The following CNTN1 variants were observed in gnomAD, a reference collection of about 807,000 sequenced individuals.
CNTN1 encodes contactin-1.
In CNTN1, 38 loss-of-function variants were observed where a neutral mutation model predicts 126.4. The observed-to-expected ratio is 0.30, with a 90% confidence interval of 0.23 to 0.39. CNTN1 has a LOEUF of 0.39. Among genes scored for constraint, CNTN1 ranks in the 10% least tolerant of loss-of-function variants. The pLI is 1.00. For synonymous variants in CNTN1, 413 were observed against 422.6 expected, an observed-to-expected ratio of 0.98 and a Z score of 0.28; for missense variants, 1,009 against 1,248.4, an observed-to-expected ratio of 0.81 and a Z score of 2.89.
At chr12:40,816,124 G>C (rs948334199) in intron 1 of CNTN1, among the ~76,000 whole-genome samples, 2 of 151,994 alleles carry the variant, frequency 1.3e-5, no homozygotes, top group Non-Finnish European at 2.9e-5. Flanking sequence ...TTTTTGTTGT[G>C]TCTCTTCCTG....
chr12:40,901,682 A>G (rs1452404457), intron 1 of CNTN1, among the ~76,000 whole-genome samples: 1 of 152,222 alleles, frequency 6.6e-6, no homozygotes, highest in Non-Finnish European at 1.5e-5. Flanking sequence ...CTGAAGACCA[A>G]TGCAGCTCTA....
intron 23 of CNTN1, among the ~76,000 whole-genome samples, chr12:41,063,609 T>C (rs1315757260): frequency 1.3e-5 from 2 of 152,198 alleles, no homozygotes; most frequent in African/African-American, 2.4e-5. Flanking sequence ...GAATGAAAGC[T>C]ACCATCTTCT....
chr12:40,720,114 G>C lies in CNTN1; in HGVS notation c.-77+27522G>C, dbSNP rs765732599. ...GCTCTGCCTGCCTTGGCCTCCCAAA[G>C]TGCTGGGATTACAGGCATGAGCCAC... On this transcript the variant is annotated intron_variant, in intron 1 of 23. Transcript: ENST00000551295. Among the ~76,000 whole-genome samples the C allele has an allele frequency of 2.9e-4, 28 of 97,738 alleles. No individual in the cohort carries two copies. The Middle Eastern group carries it at 0.029, about 101-fold the overall frequency. The allele number at this position is 97,738 out of a possible 152,430, so 64.1% of individuals were successfully genotyped here. A position where few individuals can be genotyped will look rare whatever the true frequency, so the allele number is the denominator to read the frequency against.
At chr12:41,066,858 A>G (rs1216717381) in intron 23 of CNTN1, among the ~76,000 whole-genome samples, 2 of 152,176 alleles carry the variant, frequency 1.3e-5, no homozygotes, top group South Asian at 2.1e-4. Flanking sequence ...AAAATCAAGA[A>G]TTCCCATGGA....
rs1375021298 is a variant in CNTN1 at position 41,071,869 on chromosome 12, G to T, written c.*1834G>T. ...TGTTACACTTTGGGGTTTTACTTTT[G>T]CAATGTGACCCATGTTGGGCATTTT... On this transcript the variant is annotated 3_prime_UTR_variant, in exon 24 of 24. Transcript: ENST00000551295. The T allele has an allele frequency of 6.6e-6, 1 of 152,118 alleles. No homozygotes were observed. Among genetic ancestry groups the T allele is most frequent in the Non-Finnish European group, 1.5e-5 (1 of 68,008 alleles). The allele number at this position is 152,118 out of a possible 1,614,324, so 9.4% of individuals were successfully genotyped here.
intron 1 of CNTN1, among the ~76,000 whole-genome samples, chr12:40,865,340 T>A (rs554868487): frequency 6.6e-6 from 1 of 152,242 alleles, no homozygotes; most frequent in Non-Finnish European, 1.5e-5. Context: ...GCCCAAAAGT[T>A]TTCAACCTTA....
intron 17 of CNTN1, among the ~76,000 whole-genome samples, chr12:41,003,458 A>G (rs902960044): frequency 2.6e-5 from 4 of 152,052 alleles, no homozygotes; most frequent in African/African-American, 7.2e-5. Context: ...TGCTAGTCTC[A>G]TAGAATGAGT....
chr12:41,067,304 A>G (rs181258546), intron 23 of CNTN1, among the ~76,000 whole-genome samples: 213 of 152,300 alleles, frequency 1.4e-3, no homozygotes, highest in Middle Eastern at 0.01. Context: ...TCATACTAGT[A>G]CCAAAACATC....
intron 1 of CNTN1, among the ~76,000 whole-genome samples, chr12:40,738,161 T>G (rs1937775725): frequency 6.6e-6 from 1 of 152,046 alleles, no homozygotes; most frequent in African/African-American, 2.4e-5. Context: ...ATACCAAATT[T>G]AGCATAATTT....
At position 41,070,134 on chromosome 12, in the gene CNTN1, G is replaced by A. The variant is rs921193446; in HGVS notation, c.*99G>A. ...TCCAATTTCTGCGGCTCCATCCTAA[G>A]CCAAATAAATTATACTTTAACAAAC... On this transcript the variant is annotated 3_prime_UTR_variant, in exon 24 of 24. Coordinates refer to ENST00000551295, the MANE Select transcript of CNTN1 (RefSeq NM_001843.4). 9 of 1,049,970 alleles carry A rather than the reference G, an allele frequency of 8.6e-6. No homozygotes were observed. In the Admixed American group the frequency reaches 1.6e-4, roughly 19 times the overall value. The allele number at this position is 1,049,970 out of a possible 1,614,324, so 65.0% of individuals were successfully genotyped here.
intron 1 of CNTN1, among the ~76,000 whole-genome samples, chr12:40,770,463 C>T (rs1030721157): frequency 9.9e-5 from 15 of 152,054 alleles, no homozygotes; most frequent in African/African-American, 2.9e-4. Flanking sequence ...GGAATCAGAA[C>T]ATTTCTATGG....
rs542954603 is a variant in CNTN1, at chr12:40,899,584, G to A, written c.-76-8773G>A. On this transcript the variant is annotated intron_variant, in intron 1 of 23. Coordinates refer to ENST00000551295, the MANE Select transcript of CNTN1 (RefSeq NM_001843.4). ...ATTTTTAGAGATGTGTTGGCTGAAC[G>A]TGTGGCCCTGGAACACATTTGCATG... Among the ~76,000 whole-genome samples, 10 of 152,250 alleles carry A rather than the reference G, an allele frequency of 6.6e-5. No homozygotes were observed. In the East Asian group the frequency reaches 1.4e-3, roughly 21 times the overall value.
chr12:40,984,035 G>A (rs1254553767), intron 16 of CNTN1, among the ~76,000 whole-genome samples: 1 of 148,264 alleles, frequency 6.7e-6, no homozygotes, highest in African/African-American at 2.5e-5. Context: ...ACACACAGAG[G>A]ATTAAATATA....
At chr12:40,881,435 A>G (rs1943866128) in intron 1 of CNTN1, among the ~76,000 whole-genome samples, 11 of 151,864 alleles carry the variant, frequency 7.2e-5, no homozygotes, top group Admixed American at 7.2e-4. Context: ...TCATAGTTAC[A>G]CATATTAGGG....
rs998004335 is a variant in CNTN1 at position 41,070,866 on chromosome 12, A to C, written c.*831A>C. ...TATTGCTATATTTGTTCATATGTGG[A>C]GTGACAAATTTTGAAAAGTAGAGTG... On this transcript the variant is annotated 3_prime_UTR_variant, in exon 24 of 24. Transcript: ENST00000551295. 3.9e-5 allele frequency: 6 copies of C among 151,994 alleles called. No homozygotes were observed. The highest frequency in any genetic ancestry group is 8.8e-5 in the Non-Finnish European group (6 of 67,990). The allele number at this position is 151,994 out of a possible 1,614,324, so 9.4% of individuals were successfully genotyped here. A position where few individuals can be genotyped will look rare whatever the true frequency, so the allele number is the denominator to read the frequency against.
Position 40,985,318 on chromosome 12 carries a change from G to A in CNTN1, c.1963+4251G>A, listed in dbSNP as rs533946876. On this transcript the variant is annotated intron_variant, in intron 16 of 23. Coordinates refer to ENST00000551295, the MANE Select transcript of CNTN1 (RefSeq NM_001843.4). ...TTACCAGTATATTTATTATATCTGG[G>A]TTCCTCATTCCTTTCTGTAAAACTC... Among the ~76,000 whole-genome samples the A allele has an allele frequency of 1.1e-4, 16 of 151,904 alleles. 1 individual carries two copies. In the South Asian group the frequency reaches 2.9e-3, roughly 28 times the overall value.
chr12:40,983,468 CGT>C (rs141568233), intron 16 of CNTN1, among the ~76,000 whole-genome samples: 349 of 145,418 alleles, frequency 2.4e-3, no homozygotes, highest in South Asian at 7.4e-3. Context: ...TGATATTCAC[CGT>C]GTGTGTGTGT....
intron 1 of CNTN1, among the ~76,000 whole-genome samples, chr12:40,744,960 T>C (rs2136387868): frequency 6.6e-6 from 1 of 152,280 alleles, no homozygotes. Context: ...AAATGTTTCC[T>C]TACATGTTTG....
In CNTN1 at chr12:40,924,584, G is replaced by C. The variant is rs758820625; in HGVS notation, c.428G>C (p.Arg143Pro). 2 of 1,601,240 alleles carry C rather than the reference G, an allele frequency of 1.2e-6. No homozygotes were observed. The change falls in exon 6 of 24, where the codon CGT becomes CCT. Residue 143 changes from arginine to proline, a missense_variant. Coordinates refer to ENST00000551295, the MANE Select transcript of CNTN1 (RefSeq NM_001843.4). ...GYLDPFPPEE[R>P]PEVRVKEGKG... ...CTTGATCCTTTCCCACCTGAGGAACGTCCTGAGGTCAGAGTAAAAGAAGGG... is the reference window on the plus strand; with the variant it reads ...CTTGATCCTTTCCCACCTGAGGAACCTCCTGAGGTCAGAGTAAAAGAAGGG...
Sources: gnomAD v4.1 joint callset for allele counts (sites outside exome capture counted in the v4.1 genomes callset) on GRCh38, gnomAD v4.1.1 for gene constraint, MANE v1.5 for transcripts, NCBI Gene and HGNC (gene_info 2026-07-23, HGNC 2026-07-21) for gene names.